Variants in HPSE2 observed in about 807,000 individuals in gnomAD.
HPSE2 encodes heparanase 2 (inactive), also known as inactive heparanase-2.
In HPSE2, 38 loss-of-function variants were observed where a neutral mutation model predicts 60.5. That is an observed-to-expected ratio of 0.63 (90% CI 0.48 to 0.82). The LOEUF is 0.82. Ranked by LOEUF, HPSE2 falls within the 40% of genes least tolerant of loss-of-function variation. HPSE2 has a pLI of 0.00. For missense variants in HPSE2, 713 were observed against 740.4 expected (o/e 0.96, Z 0.43); for synonymous variants, 295 against 293.2 (o/e 1.01, Z -0.06).
intron 10 of HPSE2, among the ~76,000 whole-genome samples, chr10:98,487,984 A>T (rs1010557170): frequency 2.6e-5 from 4 of 152,208 alleles, no homozygotes; most frequent in Non-Finnish European, 5.9e-5. Flanking sequence ...AGGAACAAAA[A>T]CACCTTCAAC....
intron 3 of HPSE2, among the ~76,000 whole-genome samples, chr10:99,056,020 A>T (rs972367547): frequency 6.6e-6 from 1 of 152,080 alleles, no homozygotes; most frequent in Non-Finnish European, 1.5e-5. Context: ...TAAAATCCAA[A>T]GTTTTTCTTT....
At chr10:99,305,967 G>GCACACACA in the HPSE2 span, among the ~76,000 whole-genome samples, 12 of 54,550 alleles carry the variant, frequency 2.2e-4, no homozygotes, top group Admixed American at 1.1e-3. Context: ...ACACACGCGC[G>GCACACACA]CGCGCGCGCG....
chr10:99,285,211 T>C, the HPSE2 span, among the ~76,000 whole-genome samples: 1 of 151,664 alleles, frequency 6.6e-6, no homozygotes, highest in Non-Finnish European at 1.5e-5. Context: ...GGAGTACTAC[T>C]TGAGCCCAGG....
chr10:98,533,627 C>T (rs1321557813), intron 9 of HPSE2, among the ~76,000 whole-genome samples: 1 of 152,136 alleles, frequency 6.6e-6, no homozygotes. Flanking sequence ...CCTTAGATCA[C>T]TCCAGCAATG....
the HPSE2 span, among the ~76,000 whole-genome samples, chr10:99,263,973 TACTC>T: frequency 6.6e-6 from 1 of 152,182 alleles, no homozygotes. Context: ...TTTACTTTTA[TACTC>T]ACTCTTATTC....
intron 6 of HPSE2, among the ~76,000 whole-genome samples, chr10:98,674,641 G>A (rs532543653): frequency 4.6e-5 from 7 of 152,194 alleles, no homozygotes; most frequent in African/African-American, 9.7e-5. Flanking sequence ...ATAGCCAGGC[G>A]CAATGATTCA....
At chr10:98,619,610 G>A (rs1946018349) in intron 8 of HPSE2, among the ~76,000 whole-genome samples, 1 of 152,070 alleles carries the variant, frequency 6.6e-6, no homozygotes, top group Non-Finnish European at 1.5e-5. Context: ...CCTTTCCTGA[G>A]TCTCAGTCCT....
At chr10:99,081,135 G>A (rs537925272) in intron 3 of HPSE2, among the ~76,000 whole-genome samples, 2 of 152,318 alleles carry the variant, frequency 1.3e-5, no homozygotes, top group Admixed American at 1.3e-4. Context: ...AGTAGAGAAT[G>A]TTGGTAGAGT....
chr10:98,488,051 G>T (rs1348327773), intron 10 of HPSE2, among the ~76,000 whole-genome samples: 1 of 152,124 alleles, frequency 6.6e-6, no homozygotes, highest in African/African-American at 2.4e-5. Context: ...TTTTCTTTCT[G>T]TCTTTTTAAC....
chr10:99,312,874 G>T, the HPSE2 span, among the ~76,000 whole-genome samples: 1 of 152,200 alleles, frequency 6.6e-6, no homozygotes, highest in African/African-American at 2.4e-5. Flanking sequence ...AATACTGTAG[G>T]TATGGCCAGG....
In HPSE2 at chr10:98,914,313, A is replaced by C. The variant is rs565192047; in HGVS notation, c.611-170257T>G. ...TCCACCATGATTGTGAGGCTTCCCC[A>C]GCCAGGTGGAACTGTACGTTCAATG... is the stretch of plus-strand genomic sequence containing the variant. On this transcript the variant is annotated intron_variant, in intron 3 of 11. Coordinates refer to ENST00000370552, the MANE Select transcript of HPSE2 (RefSeq NM_021828.5). Among the ~76,000 whole-genome samples, 27 of 152,234 alleles carry C rather than the reference A, an allele frequency of 1.8e-4. No homozygotes were observed. The South Asian group carries it at 4.8e-3, about 27-fold the overall frequency.
At chr10:99,117,115 T>A (rs1454326043) in intron 3 of HPSE2, among the ~76,000 whole-genome samples, 1 of 151,908 alleles carries the variant, frequency 6.6e-6, no homozygotes, top group African/African-American at 2.4e-5. Flanking sequence ...TGACAAAAGA[T>A]TTCTATCCTT....
intron 3 of HPSE2, among the ~76,000 whole-genome samples, chr10:98,863,299 T>G (rs1224247380): frequency 2.6e-5 from 4 of 152,230 alleles, no homozygotes; most frequent in Non-Finnish European, 2.9e-5. Context: ...CTGAGAGGTC[T>G]TGTCAGTAAT....
At chr10:98,870,400 G>C (rs537516694) in intron 3 of HPSE2, among the ~76,000 whole-genome samples, 87 of 152,250 alleles carry the variant, frequency 5.7e-4, no homozygotes, top group Non-Finnish European at 1.2e-3. Context: ...TTAAGAAGCA[G>C]GGTAAAGTAA....
At chr10:98,887,807 C>T (rs1314717124) in intron 3 of HPSE2, among the ~76,000 whole-genome samples, 1 of 151,532 alleles carries the variant, frequency 6.6e-6, no homozygotes, top group African/African-American at 2.4e-5. Context: ...GAAATGTAAG[C>T]CTTGGTGAAA....
chr10:98,990,656 T>A lies in HPSE2; in HGVS notation c.610+153582A>T, dbSNP rs182100022. On this transcript the variant is annotated intron_variant, in intron 3 of 11. Coordinates refer to ENST00000370552, the MANE Select transcript of HPSE2 (RefSeq NM_021828.5). Reference sequence around the variant, plus strand: ...CATGATAGTAGCTTGAACAACATGATGTCAAATGAGTCTTCCATCTCTAAA... The same window carrying A: ...CATGATAGTAGCTTGAACAACATGAAGTCAAATGAGTCTTCCATCTCTAAA... 2.6e-5 allele frequency among the ~76,000 whole-genome samples: 4 copies of A among 152,324 alleles called. No individual in the cohort carries two copies. The East Asian group carries it at 5.8e-4, about 22-fold the overall frequency.
intron 3 of HPSE2, among the ~76,000 whole-genome samples, chr10:99,035,287 T>C (rs1288307672): frequency 6.6e-6 from 1 of 152,198 alleles, no homozygotes. Context: ...CTTTTTAAAC[T>C]TTTTGTTAAA....
the HPSE2 span, among the ~76,000 whole-genome samples, chr10:99,269,157 C>T: frequency 7.4e-6 from 1 of 134,340 alleles, no homozygotes; most frequent in Non-Finnish European, 1.6e-5. Context: ...GAGACTTCGT[C>T]AAAAAAAAAA....
chr10:99,220,324 G>A (rs1025680423), intron 2 of HPSE2, among the ~76,000 whole-genome samples: 7 of 152,020 alleles, frequency 4.6e-5, no homozygotes, highest in South Asian at 2.1e-4. Context: ...CAGGTCCTCT[G>A]CATATATTCT....
Sources: gnomAD v4.1 joint callset for allele counts (sites outside exome capture counted in the v4.1 genomes callset) on GRCh38, gnomAD v4.1.1 for gene constraint, MANE v1.5 for transcripts, NCBI Gene and HGNC (gene_info 2026-07-23, HGNC 2026-07-21) for gene names.